The following PRKACB variants were observed in gnomAD, a reference collection of about 807,000 sequenced individuals.
The protein encoded by PRKACB is protein kinase cAMP-activated catalytic subunit beta.
Under a neutral mutation model 51.4 loss-of-function variants are expected in PRKACB, and 16 were observed. The ratio of observed to expected loss-of-function variants is 0.31; its 90% CI spans 0.21 to 0.47. The LOEUF is 0.47. Ranked by LOEUF, PRKACB falls within the 20% of genes least tolerant of loss-of-function variation. PRKACB has a pLI of 1.00. For synonymous variants in PRKACB, 147 were observed against 154.4 expected, an observed-to-expected ratio of 0.95 and a Z score of 0.35; for missense variants, 309 against 464.5, an observed-to-expected ratio of 0.67 and a Z score of 3.08.
chr1:84,150,644 C>T (rs1558028701), intron 1 of PRKACB, among the ~76,000 whole-genome samples: 1 of 152,048 alleles, frequency 6.6e-6, no homozygotes, highest in African/African-American at 2.4e-5. Context: ...TCTCTTGCTC[C>T]CTCTCTTTGC....
At chr1:84,127,205 G>A (rs1007293349) in intron 1 of PRKACB, among the ~76,000 whole-genome samples, 6 of 152,094 alleles carry the variant, frequency 3.9e-5, no homozygotes, top group Non-Finnish European at 7.4e-5. Context: ...AAGATAAATA[G>A]GGAGGAAGAC....
intron 8 of PRKACB, among the ~76,000 whole-genome samples, chr1:84,212,661 T>G (rs1212269012): frequency 6.6e-6 from 1 of 152,132 alleles, no homozygotes; most frequent in Non-Finnish European, 1.5e-5. Context: ...TTCTCCATCT[T>G]TAAATTGGAG....
upstream of PRKACB, among the ~76,000 whole-genome samples, chr1:84,140,190 G>C (rs187783737): frequency 6.6e-6 from 1 of 152,218 alleles, no homozygotes; most frequent in Non-Finnish European, 1.5e-5. Flanking sequence ...AAAGAGAATA[G>C]AGAGTCCAGA....
At chr1:84,193,297 T>C (rs1406484783) in intron 5 of PRKACB, among the ~76,000 whole-genome samples, 2 of 152,000 alleles carry the variant, frequency 1.3e-5, no homozygotes, top group Non-Finnish European at 2.9e-5. Context: ...CCAATGGGGG[T>C]ACTTCATGCT....
At chr1:84,168,792 A>T (rs1658391324) in intron 1 of PRKACB, among the ~76,000 whole-genome samples, 1 of 151,598 alleles carries the variant, frequency 6.6e-6, no homozygotes, top group Admixed American at 6.6e-5. Flanking sequence ...ACTGCTCATT[A>T]CTTTCATTCT....
chr1:84,090,434 T>C (rs1648366279), intron 1 of PRKACB, among the ~76,000 whole-genome samples: 1 of 152,238 alleles, frequency 6.6e-6, no homozygotes, highest in Admixed American at 6.5e-5. Context: ...ACATTTATTT[T>C]ACTTATGAAA....
At chr1:84,140,195 T>C (rs1417201153), upstream of PRKACB, among the ~76,000 whole-genome samples, 1 of 151,748 alleles carries the variant, frequency 6.6e-6, no homozygotes. Flanking sequence ...GAATAGAGAG[T>C]CCAGAAATAG....
chr1:84,164,602 C>A, intron 1 of PRKACB: 1 of 1,362,952 alleles, frequency 7.3e-7, no homozygotes, highest in Non-Finnish European at 9.7e-7. Flanking sequence ...TACAAGTGAA[C>A]CGATAATTCT....
intron 1 of PRKACB, chr1:84,165,009 G>T: frequency 6.5e-7 from 1 of 1,539,772 alleles, no homozygotes; most frequent in East Asian, 2.4e-5. Flanking sequence ...TTTTCATCAT[G>T]AGTGGTAAGT....
At position 84,191,320 on chromosome 1, in the gene PRKACB, T is replaced by A. The variant is rs1232237303; in HGVS notation, c.561-5296T>A. On this transcript the variant is annotated intron_variant, in intron 5 of 9. Transcript: ENST00000370685. ...GGGATATTAAATTCTTAGATGGAATTTTTTTTCTTTGAGGATGCTGAAAAT... is the reference window on the plus strand; with the variant it reads ...GGGATATTAAATTCTTAGATGGAATATTTTTTCTTTGAGGATGCTGAAAAT... Among the ~76,000 whole-genome samples the A allele has an allele frequency of 3.9e-5, 6 of 152,056 alleles. No homozygotes were observed. The South Asian group carries it at 1.2e-3, about 31-fold the overall frequency.
At chr1:84,144,136 A>C (rs530755525), upstream of PRKACB, 17 of 736,958 alleles carry the variant, frequency 2.3e-5, no homozygotes, top group African/African-American at 2.6e-4. Flanking sequence ...TTAGGCAGAT[A>C]TTGCAAGTTT....
chr1:84,177,906 C>A (rs926703777), intron 1 of PRKACB, among the ~76,000 whole-genome samples: 2 of 151,892 alleles, frequency 1.3e-5, no homozygotes, highest in African/African-American at 2.4e-5. Flanking sequence ...TTTAAAAATT[C>A]TTTTTCTCAG....
chr1:84,126,557 G>A (rs1484118203), intron 1 of PRKACB, among the ~76,000 whole-genome samples: 4 of 152,146 alleles, frequency 2.6e-5, no homozygotes, highest in African/African-American at 9.7e-5. Flanking sequence ...GGATGGGGAG[G>A]TGGGGACAGC....
chr1:84,083,521 G>A (rs1306623927), intron 1 of PRKACB, among the ~76,000 whole-genome samples: 1 of 152,184 alleles, frequency 6.6e-6, no homozygotes, highest in East Asian at 1.9e-4. Context: ...CCATGGCTGA[G>A]TGACAGAAGC....
chr1:84,202,779 A>T lies in PRKACB; in HGVS notation c.880A>T (p.Ile294Phe). The change falls in exon 8 of 10, where the codon ATT becomes TTT. Residue 294 changes from isoleucine to phenylalanine, a missense_variant. By Grantham distance (21) the Ile-to-Phe change is conservative. Transcript: ENST00000370685. The stretch of plus-strand genomic sequence containing the variant: ...ATTCTTTGCAGACCAACCAATTCAG[A>T]TTTATGAAAAGATTGTTTCTGGAAA... ...PPFFADQPIQ[I>F]YEKIVSGKVR... The T allele has an allele frequency of 6.2e-7, 1 of 1,606,852 alleles. No homozygotes were observed. The highest frequency in any genetic ancestry group is 8.5e-7 in the Non-Finnish European group (1 of 1,174,422).
rs111504412 is a variant in PRKACB, at chr1:84,146,504, C to T, written c.187+1956C>T. On this transcript the variant is annotated intron_variant, in intron 1 of 9. Coordinates refer to ENST00000370685, the MANE Select transcript of PRKACB (RefSeq NM_182948.4). ...GAAAACACAATTTTTATTTATTTGG[C>T]GAATGAGTTATAGAAGGAGTTCTGA... 1.2e-3 allele frequency among the ~76,000 whole-genome samples: 184 copies of T among 151,904 alleles called. 6 individuals are homozygous for T. Among genetic ancestry groups the T allele is most frequent in the Middle Eastern group, 0.01 (3 of 294 alleles).
intron 8 of PRKACB, chr1:84,205,246 A>C (rs2101491361): frequency 1.0e-6 from 1 of 984,762 alleles, no homozygotes; most frequent in East Asian, 1.1e-4. Context: ...TATTATGTGA[A>C]GTTAGATTGT....
intron 8 of PRKACB, among the ~76,000 whole-genome samples, chr1:84,213,909 C>A (rs1283576651): frequency 6.6e-6 from 1 of 152,120 alleles, no homozygotes; most frequent in Non-Finnish European, 1.5e-5. Flanking sequence ...GCTCCATGTT[C>A]TTAAAGACAT....
intron 9 of PRKACB, among the ~76,000 whole-genome samples, chr1:84,220,953 G>A (rs531452064): frequency 5.3e-5 from 8 of 152,114 alleles, no homozygotes; most frequent in East Asian, 1.9e-4. Flanking sequence ...TGCTGGCCTC[G>A]TAGAATAAGT....
Sources: allele counts gnomAD v4.1 joint callset (sites outside exome capture counted in the v4.1 genomes callset), GRCh38; gene constraint gnomAD v4.1.1; transcripts MANE v1.5; gene names NCBI Gene and HGNC (gene_info 2026-07-23, HGNC 2026-07-21).